TMCC3: variants seen among roughly 807,000 people sequenced by gnomAD.
TMCC3 encodes transmembrane and coiled-coil domain family 3, also known as transmembrane and coiled-coil domain protein 3.
Under a neutral mutation model 40.2 loss-of-function variants are expected in TMCC3, and 28 were observed. The observed-to-expected ratio is 0.70, with a 90% CI of 0.52 to 0.95. The LOEUF (loss-of-function observed/expected upper bound fraction) is 0.95. Among genes scored for constraint, TMCC3 ranks in the 40% least tolerant of loss-of-function variants. TMCC3 has a pLI of 0.00. For missense variants in TMCC3, 554 were observed against 615.2 expected (o/e 0.90, Z 1.05); for synonymous variants, 255 against 248.5 (o/e 1.03, Z -0.25).
Position 94,581,812 on chromosome 12 carries a change from C to T in TMCC3, c.805G>A (p.Gly269Arg), listed in dbSNP as rs764045591. The T allele has an allele frequency of 5.0e-6, 8 of 1,613,962 alleles. No homozygotes were observed. Among genetic ancestry groups the T allele is most frequent in the Middle Eastern group, 1.6e-4 (1 of 6,084 alleles). ...CCACCAGCCCCAAACGACTGGTTTC[C>T]GTTACTGTCGGCCGAGCCTGACGTG... ...SGTSGSADSN[G>R]NQSFGAGGAS... Residue 269 changes from glycine to arginine, a missense_variant, in exon 2 of 4, where the codon GGA (glycine) becomes AGA (arginine). Transcript: ENST00000261226.
intron 1 of TMCC3, among the ~76,000 whole-genome samples, chr12:94,637,625 G>A (rs2068967339): frequency 6.6e-6 from 1 of 152,212 alleles, no homozygotes; most frequent in South Asian, 2.1e-4. Flanking sequence ...CTTTGGCTGA[G>A]TAATTAGATG....
intron 1 of TMCC3, among the ~76,000 whole-genome samples, chr12:94,636,574 T>C (rs1356530893): frequency 6.6e-6 from 1 of 152,222 alleles, no homozygotes; most frequent in Non-Finnish European, 1.5e-5. Context: ...ATAAAGGAAT[T>C]TTGCAGACAT....
chr12:94,638,918 G>A (rs1049276719), intron 1 of TMCC3, among the ~76,000 whole-genome samples: 1 of 152,178 alleles, frequency 6.6e-6, no homozygotes, highest in African/African-American at 2.4e-5. Context: ...TTCTGTGGAA[G>A]GCTGCAGCTC....
intron 1 of TMCC3, among the ~76,000 whole-genome samples, chr12:94,619,531 C>T (rs1049433944): frequency 2.6e-5 from 4 of 152,222 alleles, no homozygotes; most frequent in Admixed American, 6.5e-5. Context: ...GGATAGCTGC[C>T]TGCTGCATCA....
chr12:94,613,150 T>A (rs1179702853), intron 1 of TMCC3, among the ~76,000 whole-genome samples: 1 of 151,474 alleles, frequency 6.6e-6, no homozygotes, highest in East Asian at 1.9e-4. Flanking sequence ...TACAGTGGAA[T>A]GAAATAAACC....
At chr12:94,642,958 C>T (rs187964952) in intron 1 of TMCC3, among the ~76,000 whole-genome samples, 16 of 152,140 alleles carry the variant, frequency 1.1e-4, no homozygotes, top group Admixed American at 9.2e-4. Flanking sequence ...TTTGGGAGGC[C>T]GAGGCAGGCG....
chr12:94,611,521 G>A (rs1431344370), intron 1 of TMCC3, among the ~76,000 whole-genome samples: 2 of 152,044 alleles, frequency 1.3e-5, no homozygotes, highest in African/African-American at 4.8e-5. Context: ...ACTCATACAA[G>A]CAGACCATGG....
chr12:94,588,171 G>A (rs1349490474), intron 1 of TMCC3, among the ~76,000 whole-genome samples: 4 of 152,206 alleles, frequency 2.6e-5, no homozygotes, highest in Non-Finnish European at 5.9e-5. Flanking sequence ...CACCACCAGT[G>A]CGGCTTGGAC....
chr12:94,594,385 G>A (rs2068702893), intron 1 of TMCC3, among the ~76,000 whole-genome samples: 1 of 152,044 alleles, frequency 6.6e-6, no homozygotes, highest in South Asian at 2.1e-4. Flanking sequence ...GAGCCACCGT[G>A]TCTGGCAGAA....
intron 1 of TMCC3, among the ~76,000 whole-genome samples, chr12:94,593,375 A>AGAAGAAAGGAAGAAGAAAGGAAG (rs376635076): frequency 3.6e-5 from 1 of 27,488 alleles, no homozygotes. Context: ...AAAAAAAAGA[A>AGAAGAAAGGAAGAAGAAAGGAAG]AAGAAAAGAA....
intron 1 of TMCC3, among the ~76,000 whole-genome samples, chr12:94,618,598 T>A (rs2068859081): frequency 6.6e-6 from 1 of 152,224 alleles, no homozygotes; most frequent in South Asian, 2.1e-4. Context: ...TGGGCACATG[T>A]GACATGCCTC....
chr12:94,589,903 C>A (rs2068661960), intron 1 of TMCC3, among the ~76,000 whole-genome samples: 1 of 152,162 alleles, frequency 6.6e-6, no homozygotes, highest in African/African-American at 2.4e-5. Flanking sequence ...AAGATCTGTA[C>A]CAGCTCAGCC....
intron 1 of TMCC3, among the ~76,000 whole-genome samples, chr12:94,611,062 ACTTC>A (rs2068813355): frequency 1.3e-5 from 2 of 152,210 alleles, no homozygotes; most frequent in Admixed American, 1.3e-4. Context: ...CACTTAAGAT[ACTTC>A]CTTGTCTCCT....
At chr12:94,630,312 A>T (rs1237415309) in intron 1 of TMCC3, among the ~76,000 whole-genome samples, 1 of 151,978 alleles carries the variant, frequency 6.6e-6, no homozygotes, top group East Asian at 1.9e-4. Flanking sequence ...AGGAAAATAA[A>T]ACCCCCATCA....
rs763777467 is a variant in TMCC3, at chr12:94,581,702, A to G, written c.915T>C (p.Ala305=). 1 of 1,614,112 alleles carries G rather than the reference A, an allele frequency of 6.2e-7. No homozygotes were observed. The highest frequency in any genetic ancestry group is 8.5e-7 in the Non-Finnish European group (1 of 1,180,026). Reference sequence around the variant, plus strand: ...GCACCTTCAGTGCCTCGATGTCCTCAGCCAGCTGAGCTTGGGTATCCTTGA... The same window carrying G: ...GCACCTTCAGTGCCTCGATGTCCTCGGCCAGCTGAGCTTGGGTATCCTTGA... ...REIKDTQAQL[A]EDIEALKVQF... The change falls in exon 2 of 4, where the codon GCT becomes GCC. Residue 305 remains alanine, a synonymous_variant. Coordinates refer to ENST00000261226, the MANE Select transcript of TMCC3 (RefSeq NM_020698.4).
At chr12:94,637,039 TA>T (rs200437302) in intron 1 of TMCC3, among the ~76,000 whole-genome samples, 2,342 of 149,118 alleles carry the variant, frequency 0.016, 56 homozygotes, top group African/African-American at 0.054. Context: ...ACACAACAGT[TA>T]AAAAAAAAAT....
chr12:94,630,222 T>A (rs993573450), intron 1 of TMCC3, among the ~76,000 whole-genome samples: 1 of 148,376 alleles, frequency 6.7e-6, no homozygotes, highest in African/African-American at 2.5e-5. Context: ...GTCGCTGCAC[T>A]CCAGCCTGGG....
intron 1 of TMCC3, among the ~76,000 whole-genome samples, chr12:94,643,352 A>G (rs1159517596): frequency 6.6e-6 from 1 of 152,176 alleles, no homozygotes; most frequent in African/African-American, 2.4e-5. Context: ...GTGACTGATG[A>G]CATGGCTCAA....
intron 2 of TMCC3, 22 bp downstream of exon 2, chr12:94,581,599 GC>G: frequency 7.6e-7 from 1 of 1,310,634 alleles, no homozygotes. Context: ...TAAAAAACAC[GC>G]CAATGGAATA....
Sources: gnomAD v4.1 joint callset for allele counts (sites outside exome capture counted in the v4.1 genomes callset) on GRCh38, gnomAD v4.1.1 for gene constraint, MANE v1.5 for transcripts, NCBI Gene and HGNC (gene_info 2026-07-23, HGNC 2026-07-21) for gene names.